Variants in SORCS2 observed in about 807,000 individuals in gnomAD.
The protein encoded by SORCS2 is sortilin related VPS10 domain containing receptor 2, also known as VPS10 domain-containing receptor SorCS2.
A neutral mutation model predicts 141.6 loss-of-function variants in SORCS2; 100 were observed. The observed-to-expected ratio is 0.71, with a 90% CI of 0.60 to 0.83. SORCS2 has a LOEUF of 0.83. SORCS2 is among the 40% of genes least tolerant of loss of function. SORCS2 has a pLI of 0.00. For synonymous variants in SORCS2, 789 were observed against 676.9 expected, an observed-to-expected ratio of 1.17 and a Z score of -2.57; for missense variants, 1,646 against 1,560.2, an observed-to-expected ratio of 1.05 and a Z score of -0.93.
Position 7,728,348 on chromosome 4 carries a change from A to C in SORCS2, c.2870-2A>C. On this transcript the variant is annotated splice_acceptor_variant, in intron 21 of 26. Transcript: ENST00000507866. LOFTEE classifies it high-confidence loss of function. The stretch of plus-strand genomic sequence containing the variant: ...CAGTCTCCCTTCTCTGCGTCTTTCC[A>C]GATCAATTTCAAGTCATGCCTCTGC... 1 of 1,610,572 alleles carries C rather than the reference A, an allele frequency of 6.2e-7. No homozygotes were observed. Among genetic ancestry groups the C allele is most frequent in the Non-Finnish European group, 8.5e-7 (1 of 1,177,424 alleles).
At chr4:7,557,840 G>A (rs188693645) in intron 3 of SORCS2, among the ~76,000 whole-genome samples, 12 of 152,326 alleles carry the variant, frequency 7.9e-5, no homozygotes, top group Admixed American at 1.3e-4. Flanking sequence ...CCATGCCGAC[G>A]TGAAGAGTAG....
intron 3 of SORCS2, among the ~76,000 whole-genome samples, chr4:7,555,448 A>G (rs573242850): frequency 2.6e-5 from 4 of 152,350 alleles, no homozygotes; most frequent in South Asian, 2.1e-4. Flanking sequence ...TTGCTGGCAG[A>G]GGAATGAGGA....
At position 7,360,460 on chromosome 4, in the gene SORCS2, G is replaced by C. The variant is rs1721513348; in HGVS notation, c.481-35828G>C. 2.0e-5 allele frequency among the ~76,000 whole-genome samples: 3 copies of C among 151,698 alleles called. 1 individual carries two copies. The highest frequency in any genetic ancestry group is 4.4e-5 in the Non-Finnish European group (3 of 67,966). On this transcript the variant is annotated intron_variant, in intron 1 of 26. Coordinates refer to ENST00000507866, the MANE Select transcript of SORCS2 (RefSeq NM_020777.3). Reference sequence around the variant, plus strand: ...AGGCCCCTGTGAGCCATTCCATCCTGGGATGGCTCTCCCTGAGGCTGTGGC... The same window carrying C: ...AGGCCCCTGTGAGCCATTCCATCCTCGGATGGCTCTCCCTGAGGCTGTGGC...
Position 7,729,663 on chromosome 4 carries a change from T to G in SORCS2, c.3059T>G (p.Leu1020Arg), listed in dbSNP as rs1421117766. The G allele has an allele frequency of 6.2e-7, 1 of 1,607,718 alleles. No homozygotes were observed. Among genetic ancestry groups the G allele is most frequent in the Non-Finnish European group, 8.5e-7 (1 of 1,177,300 alleles). Residue 1020 changes from leucine (L) to arginine (R), a missense_variant, in exon 23 of 27, where the codon CTC becomes CGC. Coordinates refer to ENST00000507866, the MANE Select transcript of SORCS2 (RefSeq NM_020777.3). ...CCCACTTTGGCCGATCTGTACGTGC[T>G]CCTGCCCCCTCCCAGGCCCACAAGG... ...GLPTLADLYVLLPPPRPTRKR... is the reference protein window; with the variant it reads ...GLPTLADLYVRLPPPRPTRKR...
intron 9 of SORCS2, among the ~76,000 whole-genome samples, 162 bp downstream of exon 9, chr4:7,676,391 G>A (rs1366724424): frequency 6.6e-6 from 1 of 152,146 alleles, no homozygotes; most frequent in African/African-American, 2.4e-5. Flanking sequence ...GGCTTTGCAG[G>A]CCAAGAGGCT....
At chr4:7,219,105 AT>A (rs1728546559) in intron 1 of SORCS2, among the ~76,000 whole-genome samples, 1 of 151,302 alleles carries the variant, frequency 6.6e-6, no homozygotes, top group African/African-American at 2.4e-5. Flanking sequence ...TGCACCACCT[AT>A]GCCTCCTGCT....
At position 7,682,820 on chromosome 4, in the gene SORCS2, G is replaced by C. The variant is rs1183566856; in HGVS notation, c.1419G>C (p.Lys473Asn). ...TGATGACGCTTATAACCTACAACAA[G>C]GGCCGCGACTGGGATTACCTGAGGC... Reference protein sequence around the residue: ...GKVMTLITYNKGRDWDYLRPP... With the variant: ...GKVMTLITYNNGRDWDYLRPP... The change falls in exon 10 of 27, where the codon AAG (lysine) becomes AAC (asparagine). Residue 473 changes from lysine (K) to asparagine (N), a missense_variant. Lys to Asn is a moderately conservative substitution (Grantham distance 94, BLOSUM62 0). Coordinates refer to ENST00000507866, the MANE Select transcript of SORCS2 (RefSeq NM_020777.3). 1 of 1,613,126 alleles carries C rather than the reference G, an allele frequency of 6.2e-7. No homozygotes were observed. Among genetic ancestry groups the C allele is most frequent in the African/African-American group, 1.3e-5 (1 of 75,004 alleles).
rs567305550 is a variant in SORCS2 at position 7,593,696 on chromosome 4, G to A, written c.649-44632G>A. 3.9e-5 allele frequency among the ~76,000 whole-genome samples: 6 copies of A among 152,326 alleles called. No individual in the cohort carries two copies. In the South Asian group the frequency reaches 8.3e-4, roughly 21 times the overall value. Reference sequence around the variant, plus strand: ...GGCCCCAGGCGGGTAATGGGAAGCCGGAGCAGATGTTGGCAGTTACAGGCA... The same window carrying A: ...GGCCCCAGGCGGGTAATGGGAAGCCAGAGCAGATGTTGGCAGTTACAGGCA... On this transcript the variant is annotated intron_variant, in intron 3 of 26. Transcript: ENST00000507866.
At chr4:7,408,839 T>C (rs542808372) in intron 2 of SORCS2, among the ~76,000 whole-genome samples, 1 of 152,300 alleles carries the variant, frequency 6.6e-6, no homozygotes, top group South Asian at 2.1e-4. Flanking sequence ...TCAAATAGCC[T>C]GTCTTTAAGC....
At chr4:7,518,764 T>A (rs879607083) in intron 2 of SORCS2, among the ~76,000 whole-genome samples, 4 of 152,198 alleles carry the variant, frequency 2.6e-5, no homozygotes, top group Non-Finnish European at 4.4e-5. Flanking sequence ...CTCCACCATG[T>A]CAGGCCAGAG....
At chr4:7,538,507 A>G (rs1344126960) in intron 3 of SORCS2, among the ~76,000 whole-genome samples, 2 of 152,226 alleles carry the variant, frequency 1.3e-5, no homozygotes, top group African/African-American at 4.8e-5. Flanking sequence ...ATTTCTTCCA[A>G]GCATTGTGTT....
Position 7,723,876 on chromosome 4 carries a change from G to A in SORCS2, c.2604G>A (p.Gln868=), listed in dbSNP as rs746923009. 2.1e-5 allele frequency: 33 copies of A among 1,602,852 alleles called. No individual in the cohort carries two copies. Among genetic ancestry groups the A allele is most frequent in the African/African-American group, 5.4e-5 (4 of 74,762 alleles). The change falls in exon 19 of 27, where the codon CAG becomes CAA. Residue 868 remains glutamine, a synonymous_variant. Transcript: ENST00000507866. ...AGHDEAVLFV[Q]VNSPLQALYL... ...ACGATGAGGCGGTGCTCTTTGTCCA[G>A]GTCAACTGTAAGTTTATTGCCCCTT...
chr4:7,372,901 G>A (rs548147724), intron 1 of SORCS2, among the ~76,000 whole-genome samples: 11 of 152,094 alleles, frequency 7.2e-5, no homozygotes, highest in Non-Finnish European at 1.3e-4. Context: ...TGTTCGTGAC[G>A]TCAGGAGTTC....
chr4:7,276,229 A>C (rs1010648425), intron 1 of SORCS2, among the ~76,000 whole-genome samples: 1 of 152,004 alleles, frequency 6.6e-6, no homozygotes. Context: ...TGTGTGGATC[A>C]TCCTCAGGGT....
chr4:7,431,441 T>G (rs1002277369), intron 2 of SORCS2: 66 of 152,266 alleles, frequency 4.3e-4, no homozygotes, highest in African/African-American at 1.6e-3. Flanking sequence ...CCGGTAGGCA[T>G]CCTCCCGACT....
intron 1 of SORCS2, among the ~76,000 whole-genome samples, chr4:7,316,102 C>A (rs141792427): frequency 2.4e-3 from 370 of 152,144 alleles, no homozygotes; most frequent in Non-Finnish European, 4.1e-3. Flanking sequence ...ATCCATCCAT[C>A]CTTTTTTCCT....
chr4:7,521,481 G>T (rs1733324856), intron 2 of SORCS2, among the ~76,000 whole-genome samples: 1 of 152,182 alleles, frequency 6.6e-6, no homozygotes, highest in Admixed American at 6.5e-5. Flanking sequence ...ATTGCCCTGT[G>T]TCACCTTAGT....
chr4:7,476,917 G>A (rs1459221375), intron 2 of SORCS2, among the ~76,000 whole-genome samples: 3 of 152,296 alleles, frequency 2.0e-5, no homozygotes, highest in East Asian at 3.9e-4. Flanking sequence ...AGTGCTATGT[G>A]GTCTAAGAAA....
chr4:7,521,453 C>G (rs775210087), intron 2 of SORCS2, among the ~76,000 whole-genome samples: 2 of 152,208 alleles, frequency 1.3e-5, no homozygotes, highest in African/African-American at 4.8e-5. Flanking sequence ...TTTTATTGAA[C>G]AACTTCACTG....
Sources: gnomAD v4.1 joint callset for allele counts (sites outside exome capture counted in the v4.1 genomes callset) on GRCh38, gnomAD v4.1.1 for gene constraint, MANE v1.5 for transcripts, NCBI Gene and HGNC (gene_info 2026-07-23, HGNC 2026-07-21) for gene names.